Variants in XYLT2 observed in about 807,000 individuals in gnomAD.
The protein encoded by XYLT2 is UDP-D-xylose:proteoglycan core protein beta-D-xylosyltransferase.
XYLT2 carries 37 observed loss-of-function variants against 82.6 expected under a neutral mutation model. The observed-to-expected ratio is 0.45, with a 90% confidence interval of 0.34 to 0.59. XYLT2 has a LOEUF of 0.59. Ranked by LOEUF, XYLT2 falls within the 20% of genes least tolerant of loss-of-function variation. XYLT2 has a pLI of 0.01. For missense variants in XYLT2, 934 were observed against 1,181.3 expected, an observed-to-expected ratio of 0.79 and a Z score of 3.07; for synonymous variants, 474 against 499.0, an observed-to-expected ratio of 0.95 and a Z score of 0.67.
At position 50,346,524 on chromosome 17, in the gene XYLT2, G is replaced by A. The variant is rs1382638086; in HGVS notation, c.135+249G>A. On this transcript the variant is annotated intron_variant, in intron 1 of 10. Transcript: ENST00000017003. This position sits in a 1 kb window ranked among gnomAD's most constrained non-coding sequence, Gnocchi z 5.1. ...CTGGTGGATTGGGAGTCGGGCGGGG[G>A]GAGCAGGTCATGCTAGGGTGGTCTC... is the stretch of plus-strand genomic sequence containing the variant. 1.1e-6 allele frequency: 1 copy of A among 890,018 alleles called. No individual in the cohort carries two copies. The allele number at this position is 890,018 out of a possible 1,614,324, so 55.1% of individuals were successfully genotyped here.
chr17:50,360,772 G>A lies in XYLT2; in HGVS notation c.*481G>A, dbSNP rs1351368451. ...TCTCCAGGGCCTCATGCCCCATTCT[G>A]GGCCTGTGGTGCTCGTGGCTGAGGC... On this transcript the variant is annotated 3_prime_UTR_variant, in exon 11 of 11. Coordinates refer to ENST00000017003, the MANE Select transcript of XYLT2 (RefSeq NM_022167.4). 5 of 986,590 alleles carry A rather than the reference G, an allele frequency of 5.1e-6. No homozygotes were observed. Among genetic ancestry groups the A allele is most frequent in the Non-Finnish European group, 6.0e-6 (5 of 830,644 alleles). 61.1% of individuals were successfully genotyped at this position (986,590 alleles called of 1,614,324 possible). A position where few individuals can be genotyped will look rare whatever the true frequency, so the allele number is the denominator to read the frequency against.
intron 8 of XYLT2, 80 bp from the exon 9 acceptor site, chr17:50,356,976 TC>T: frequency 6.7e-7 from 1 of 1,499,014 alleles, no homozygotes. Context: ...GGGATGGGAC[TC>T]CCCAGAGCCC....
At chr17:50,354,244 T>A in intron 2 of XYLT2, 122 bp downstream of exon 2, 1 of 1,530,076 alleles carries the variant, frequency 6.5e-7, no homozygotes, top group Non-Finnish European at 8.8e-7. Context: ...CCTGCCTAAG[T>A]CTTCATCCAG....
Position 50,356,514 on chromosome 17 carries a change from G to C in XYLT2, c.1486G>C (p.Val496Leu), listed in dbSNP as rs778855309. The C allele has an allele frequency of 3.1e-6, 5 of 1,613,816 alleles. No individual in the cohort carries two copies. The South Asian group carries it at 5.5e-5, about 18-fold the overall frequency. The change falls in exon 8 of 11, where the codon GTC (valine) becomes CTC (leucine). Residue 496 changes from valine (V) to leucine (L), a missense_variant. Physicochemically the swap from Val to Leu is conservative, Grantham distance 32 (BLOSUM62 1). Transcript: ENST00000017003. ...KPQDFLRLQQ[V>L]SRPTFFARKF... ...CTCCTTGCCTCTCCCACTCCAGCAA[G>C]TCTCCAGACCCACCTTCTTCGCCCG...
Position 50,357,210 on chromosome 17 carries a change from G to A in XYLT2, c.1899G>A (p.Leu633=). 6.2e-7 allele frequency: 1 copy of A among 1,609,346 alleles called. No homozygotes were observed. Among genetic ancestry groups the A allele is most frequent in the Non-Finnish European group, 8.5e-7 (1 of 1,179,400 alleles). Residue 633 remains leucine (L), a synonymous_variant, in exon 9 of 11, where the codon CTG becomes CTA. Coordinates refer to ENST00000017003, the MANE Select transcript of XYLT2 (RefSeq NM_022167.4). ...MWLMPQGSLK[L]LGRSDQASRL... is the part of the protein sequence containing the mutation. ...TGATGCCCCAAGGGTCGCTGAAGCTGTTGGGGCGCAGTGACCAGGCCAGCC... is the reference window on the plus strand; with the variant it reads ...TGATGCCCCAAGGGTCGCTGAAGCTATTGGGGCGCAGTGACCAGGCCAGCC...
chr17:50,355,680 C>T, intron 5 of XYLT2, 99 bp downstream of exon 5: 1 of 1,584,946 alleles, frequency 6.3e-7, no homozygotes, highest in Non-Finnish European at 8.6e-7. Flanking sequence ...TCAAAGCCTC[C>T]ACACCAGTCA....
intron 1 of XYLT2, 85 bp from the exon 2 acceptor site, chr17:50,353,545 G>T (rs1332567638): frequency 6.6e-7 from 1 of 1,508,186 alleles, no homozygotes; most frequent in African/African-American, 1.4e-5. Context: ...ATCTAGGTCT[G>T]AGGGTGCCCC....
intron 2 of XYLT2, 105 bp downstream of exon 2, chr17:50,354,227 C>G: frequency 6.4e-7 from 1 of 1,552,044 alleles, no homozygotes; most frequent in South Asian, 1.2e-5. Context: ...CAAGGGGATC[C>G]TACCTCCCTG....
At chr17:50,353,485 C>A in intron 1 of XYLT2, 145 bp from the exon 2 acceptor site, 1 of 1,291,234 alleles carries the variant, frequency 7.7e-7, no homozygotes, top group Non-Finnish European at 1.0e-6. Context: ...ACTGATTGTG[C>A]GGAGTCCTTA....
intron 1 of XYLT2, among the ~76,000 whole-genome samples, chr17:50,352,716 G>GC (rs1167381736): frequency 6.6e-6 from 1 of 152,202 alleles, no homozygotes; most frequent in Non-Finnish European, 1.5e-5. Context: ...AGCGGTAGAG[G>GC]CGCCCCGCTG....
In XYLT2 at chr17:50,346,175, G is replaced by A. The variant is rs1242417403; in HGVS notation, c.35G>A (p.Arg12Gln). 18 of 1,286,408 alleles carry A rather than the reference G, an allele frequency of 1.4e-5. No individual in the cohort carries two copies. Among genetic ancestry groups the A allele is most frequent in the Non-Finnish European group, 1.8e-5 (18 of 991,244 alleles). 79.7% of individuals were successfully genotyped at this position (1,286,408 alleles called of 1,614,324 possible). The change falls in exon 1 of 11, where the codon CGG becomes CAG. Residue 12 changes from arginine (R) to glutamine (Q), a missense_variant. This residue lies in a region of XYLT2 where 371 missense variants were observed against 394.9 expected (regional missense o/e 0.94). Transcript: ENST00000017003. The surrounding 1 kb of genome is among the most constrained non-coding windows in gnomAD (Gnocchi z 5.1). ...AGCGCGCGAGTGCAGAAGCTGGTGC[G>A]GCGCTACAAGCTGGCGATTGCCACG... is the stretch of plus-strand genomic sequence containing the variant. ...VASARVQKLV[R>Q]RYKLAIATAL...
chr17:50,355,195 GC>G, intron 4 of XYLT2, 139 bp downstream of exon 4: 2 of 964,670 alleles, frequency 2.1e-6, no homozygotes, highest in Non-Finnish European at 3.0e-6. Context: ...GGGCCCCTGG[GC>G]CCCAGCTATG....
At chr17:50,359,821 C>T in intron 10 of XYLT2, 148 bp from the exon 11 acceptor site, 1 of 689,584 alleles carries the variant, frequency 1.5e-6, no homozygotes, top group Non-Finnish European at 2.4e-6. Context: ...CACAGAAAGT[C>T]CCTTGGATTA....
chr17:50,352,418 C>T (rs190349616), intron 1 of XYLT2, among the ~76,000 whole-genome samples: 19 of 152,352 alleles, frequency 1.2e-4, no homozygotes, highest in Admixed American at 2.6e-4. Flanking sequence ...AGAGATGGAG[C>T]TGACATGTCT....
At chr17:50,347,567 G>A (rs1024117186) in intron 1 of XYLT2, among the ~76,000 whole-genome samples, 2 of 152,196 alleles carry the variant, frequency 1.3e-5, no homozygotes, top group Admixed American at 6.5e-5. Flanking sequence ...GACTGTTTGG[G>A]CAGATGGGAC....
rs1598354178 is a variant in XYLT2, at chr17:50,360,439, G to A, written c.*148G>A. ...AACCCACACAGACGGCAGGGAAGGT[G>A]GACACAGTATGAACTACTGCTGATG... On this transcript the variant is annotated 3_prime_UTR_variant, in exon 11 of 11. Coordinates refer to ENST00000017003, the MANE Select transcript of XYLT2 (RefSeq NM_022167.4). 1 of 1,427,984 alleles carries A rather than the reference G, an allele frequency of 7.0e-7. No individual in the cohort carries two copies. Among genetic ancestry groups the A allele is most frequent in the East Asian group, 2.5e-5 (1 of 39,710 alleles). The allele number at this position is 1,427,984 out of a possible 1,614,324, so 88.5% of individuals were successfully genotyped here.
At chr17:50,348,819 G>T (rs991438000) in intron 1 of XYLT2, among the ~76,000 whole-genome samples, 1 of 152,196 alleles carries the variant, frequency 6.6e-6, no homozygotes. Context: ...AGGCCAGAAT[G>T]TATCCCAGCC....
chr17:50,353,429 C>T lies in XYLT2; in HGVS notation c.136-201C>T, dbSNP rs560443376. ...GGGTGTTGGTATGATGGAGGGAGGCCCAGTGCGCCCTCAGTGGCTGGCCAG... is the reference window on the plus strand; with the variant it reads ...GGGTGTTGGTATGATGGAGGGAGGCTCAGTGCGCCCTCAGTGGCTGGCCAG... On this transcript the variant is annotated intron_variant, in intron 1 of 10. Coordinates refer to ENST00000017003, the MANE Select transcript of XYLT2 (RefSeq NM_022167.4). 2.0e-5 allele frequency among the ~76,000 whole-genome samples: 3 copies of T among 152,208 alleles called. No individual in the cohort carries two copies. The South Asian group carries it at 6.2e-4, about 32-fold the overall frequency.
intron 1 of XYLT2, among the ~76,000 whole-genome samples, chr17:50,351,832 G>A (rs1016420910): frequency 1.3e-5 from 2 of 152,250 alleles, no homozygotes; most frequent in Non-Finnish European, 2.9e-5. Context: ...ATGCCTGAAC[G>A]TTCAAGGGAG....
Sources: gnomAD v4.1 joint callset for allele counts (sites outside exome capture counted in the v4.1 genomes callset) on GRCh38, gnomAD v4.1.1 for gene constraint, gnomAD v4.1.1 regional missense constraint, Gnocchi (gnomAD v3.1) non-coding constraint, MANE v1.5 for transcripts, NCBI Gene and HGNC (gene_info 2026-07-23, HGNC 2026-07-21) for gene names.